The following PRKAA1 variants were observed in gnomAD, a reference collection of about 807,000 sequenced individuals.
PRKAA1 encodes 5'-AMP-activated protein kinase catalytic subunit alpha-1.
A neutral mutation model predicts 56.9 loss-of-function variants in PRKAA1; 23 were observed. The observed-to-expected ratio is 0.40, with a 90% CI of 0.29 to 0.57. The LOEUF is 0.57. Among genes scored for constraint, PRKAA1 ranks in the 20% least tolerant of loss-of-function variants. The pLI, the probability that PRKAA1 is intolerant of heterozygous loss-of-function variation, is 0.39. For missense variants in PRKAA1, 413 were observed against 679.7 expected (o/e 0.61, Z 4.36); for synonymous variants, 226 against 227.0 (o/e 1.00, Z 0.04).
At chr5:40,784,505 C>T (rs1443489376) in intron 1 of PRKAA1, among the ~76,000 whole-genome samples, 1 of 152,110 alleles carries the variant, frequency 6.6e-6, no homozygotes, top group Non-Finnish European at 1.5e-5. Context: ...CAATCCTTGA[C>T]AGTGATTTCA....
Position 40,760,157 on chromosome 5 carries a change from A to C in PRKAA1, c.*2621T>G, listed in dbSNP as rs1345645650. ...CCCTTACCTCTTCAATATTAGTAACAATTTGCAAACAACAAAAAAATTGTG... is the reference window on the plus strand; with the variant it reads ...CCCTTACCTCTTCAATATTAGTAACCATTTGCAAACAACAAAAAAATTGTG... On this transcript the variant is annotated 3_prime_UTR_variant, in exon 9 of 9. Coordinates refer to ENST00000397128, the MANE Select transcript of PRKAA1 (RefSeq NM_006251.6). 1 of 152,740 alleles carries C rather than the reference A, an allele frequency of 6.5e-6. No individual in the cohort carries two copies. The highest frequency in any genetic ancestry group is 1.5e-5 in the Non-Finnish European group (1 of 68,012). 9.5% of individuals were successfully genotyped at this position (152,740 alleles called of 1,614,324 possible).
chr5:40,771,637 T>C, intron 4 of PRKAA1, 82 bp downstream of exon 4: 1 of 1,362,966 alleles, frequency 7.3e-7, no homozygotes, highest in South Asian at 1.4e-5. Context: ...CTTTTACAGT[T>C]ATCTGAAGAA....
chr5:40,795,591 A>G (rs1030995832), intron 1 of PRKAA1, among the ~76,000 whole-genome samples: 2 of 152,164 alleles, frequency 1.3e-5, no homozygotes, highest in Non-Finnish European at 2.9e-5. Flanking sequence ...AATGAGACTC[A>G]TAAGAGATAT....
chr5:40,785,178 T>C (rs1041339942), intron 1 of PRKAA1, among the ~76,000 whole-genome samples: 1 of 152,242 alleles, frequency 6.6e-6, no homozygotes, highest in South Asian at 2.1e-4. Flanking sequence ...TCCAGTGTAC[T>C]GAAAACCTGC....
chr5:40,778,014 C>T (rs546272749), intron 1 of PRKAA1, among the ~76,000 whole-genome samples: 1 of 152,206 alleles, frequency 6.6e-6, no homozygotes, highest in Admixed American at 6.5e-5. Flanking sequence ...GCGGAGGTTG[C>T]AGTGAGCCGA....
At chr5:40,770,440 GAC>G (rs1561171280) in intron 4 of PRKAA1, among the ~76,000 whole-genome samples, 3 of 151,734 alleles carry the variant, frequency 2.0e-5, no homozygotes, top group Admixed American at 6.6e-5. Context: ...CAGCCTGGGT[GAC>G]AGAGTGAAAC....
At chr5:40,796,229 C>A (rs1403099816) in intron 1 of PRKAA1, among the ~76,000 whole-genome samples, 1 of 151,928 alleles carries the variant, frequency 6.6e-6, no homozygotes. Context: ...GGCAGGAGAA[C>A]TGCTTGAACC....
At chr5:40,795,931 C>T (rs3805487) in intron 1 of PRKAA1, among the ~76,000 whole-genome samples, 47,373 of 152,068 alleles carry the variant, frequency 0.31, 7,616 homozygotes, top group East Asian at 0.56. Flanking sequence ...TGGAGACATT[C>T]GTGTCACAGC....
chr5:40,785,099 T>G (rs1744412058), intron 1 of PRKAA1, among the ~76,000 whole-genome samples: 1 of 152,174 alleles, frequency 6.6e-6, no homozygotes, highest in African/African-American at 2.4e-5. Context: ...TCAAGAAATA[T>G]TTGAGTACCA....
chr5:40,776,424 A>G (rs958784666), intron 2 of PRKAA1, among the ~76,000 whole-genome samples: 5 of 152,262 alleles, frequency 3.3e-5, no homozygotes, highest in Admixed American at 6.5e-5. Flanking sequence ...ATGGAAATGT[A>G]AAGTCAGCAG....
Position 40,759,686 on chromosome 5 carries a change from C to A in PRKAA1, c.*3092G>T, listed in dbSNP as rs926568754. On this transcript the variant is annotated 3_prime_UTR_variant, in exon 9 of 9. Coordinates refer to ENST00000397128, the MANE Select transcript of PRKAA1 (RefSeq NM_006251.6). ...AACACAGATCCATGGAGTTCCACAT[C>A]TAGCCCCAGGCTACCAAGCATTAAT... The A allele has an allele frequency of 5.3e-5, 8 of 152,344 alleles. No individual in the cohort carries two copies. The highest frequency in any genetic ancestry group is 1.9e-4 in the African/African-American group (8 of 41,456). The allele number at this position is 152,344 out of a possible 1,614,324, so 9.4% of individuals were successfully genotyped here.
chr5:40,785,876 A>G (rs1006574464), intron 1 of PRKAA1, among the ~76,000 whole-genome samples: 1 of 147,788 alleles, frequency 6.8e-6, no homozygotes, highest in Non-Finnish European at 1.5e-5. Flanking sequence ...AGAGAGAGAG[A>G]GAGCAAGCGA....
intron 1 of PRKAA1, among the ~76,000 whole-genome samples, chr5:40,795,371 A>C (rs2112112286): frequency 6.6e-6 from 1 of 152,220 alleles, no homozygotes; most frequent in Admixed American, 6.5e-5. Context: ...TACCATCTGT[A>C]CCCCAATAAC....
At chr5:40,768,406 T>C in intron 5 of PRKAA1, 1 of 915,022 alleles carries the variant, frequency 1.1e-6, no homozygotes, top group East Asian at 1.2e-4. Flanking sequence ...CATTTCTTTT[T>C]ATTTATTTAA....
At chr5:40,767,423 A>G in intron 6 of PRKAA1, 43 bp downstream of exon 6, 1 of 1,501,624 alleles carries the variant, frequency 6.7e-7, no homozygotes, top group Non-Finnish European at 9.1e-7. Context: ...AACTTTTATC[A>G]TGGATACTAT....
At chr5:40,763,525 ACTTTC>A (rs1167336688) in intron 8 of PRKAA1, among the ~76,000 whole-genome samples, 1 of 152,172 alleles carries the variant, frequency 6.6e-6, no homozygotes. Context: ...AGTGCTTTTT[ACTTTC>A]CACTTTCCCT....
chr5:40,787,881 AAAC>A (rs1340732539), intron 1 of PRKAA1, among the ~76,000 whole-genome samples: 1 of 152,226 alleles, frequency 6.6e-6, no homozygotes, highest in Non-Finnish European at 1.5e-5. Context: ...TAAATTCTCC[AAAC>A]AACAGGCATA....
intron 6 of PRKAA1, among the ~76,000 whole-genome samples, chr5:40,766,195 T>C (rs1305027529): frequency 6.6e-6 from 1 of 152,228 alleles, no homozygotes; most frequent in East Asian, 1.9e-4. Flanking sequence ...CCATTCATGG[T>C]CTCTTTTTTA....
intron 3 of PRKAA1, chr5:40,775,026 C>A: frequency 8.0e-7 from 1 of 1,248,518 alleles, no homozygotes. Context: ...ACTAGCAAGG[C>A]CTAGATCTTT....
Sources: gnomAD v4.1 joint callset for allele counts (sites outside exome capture counted in the v4.1 genomes callset) on GRCh38, gnomAD v4.1.1 for gene constraint, MANE v1.5 for transcripts, NCBI Gene and HGNC (gene_info 2026-07-23, HGNC 2026-07-21) for gene names.